The following ATP6V1A variants were observed in gnomAD, a reference collection of about 807,000 sequenced individuals.
ATP6V1A encodes the protein ATPase H+ transporting V1 subunit A.
Under a neutral mutation model 70.1 loss-of-function variants are expected in ATP6V1A, and 18 were observed. The ratio of observed to expected loss-of-function variants is 0.26; its 90% confidence interval spans 0.18 to 0.38. ATP6V1A has a LOEUF of 0.38. Among genes scored for constraint, ATP6V1A ranks in the 10% least tolerant of loss-of-function variants. ATP6V1A has a pLI of 1.00. For missense variants in ATP6V1A, 424 were observed against 772.4 expected (o/e 0.55, Z 5.35); for synonymous variants, 232 against 253.8 (o/e 0.91, Z 0.82).
At chr3:113,805,662 G>A in intron 14 of ATP6V1A, 137 bp downstream of exon 14, 1 of 839,202 alleles carries the variant, frequency 1.2e-6, no homozygotes. Flanking sequence ...TCTGCCTCCT[G>A]GGTTCAAACG....
At position 113,784,747 on chromosome 3, in the gene ATP6V1A, T is replaced by C. The variant is rs1709019455; in HGVS notation, c.478T>C (p.Ser160Pro). The C allele has an allele frequency of 1.2e-6, 2 of 1,613,962 alleles. No homozygotes were observed. The highest frequency in any genetic ancestry group is 2.7e-5 in the African/African-American group (2 of 74,910). The change falls in exon 5 of 15, where the codon TCG (serine) becomes CCG (proline). Residue 160 changes from serine (S) to proline (P), a missense_variant. Around this residue, in one of 9 missense-constraint regions of ATP6V1A, gnomAD observed 139 missense variants for 163.5 expected, o/e 0.85. Coordinates refer to ENST00000273398, the MANE Select transcript of ATP6V1A (RefSeq NM_001690.4). The part of the protein sequence containing the change: ...GDIYGIVSEN[S>P]LIKHKIMLPP... ...CATTTATGGAATTGTCAGTGAGAAC[T>C]CGCTTATCAAACACAAAATCATGTT...
At chr3:113,781,537 G>A (rs1424725716) in intron 3 of ATP6V1A, among the ~76,000 whole-genome samples, 1 of 151,906 alleles carries the variant, frequency 6.6e-6, no homozygotes, top group Non-Finnish European at 1.5e-5. Flanking sequence ...AAAAAAAATT[G>A]AGGATTTAAG....
intron 1 of ATP6V1A, among the ~76,000 whole-genome samples, chr3:113,773,610 G>T (rs1478206950): frequency 6.6e-6 from 1 of 152,134 alleles, no homozygotes; most frequent in African/African-American, 2.4e-5. Flanking sequence ...TAAAGGGAAA[G>T]TATGTAAATA....
At chr3:113,774,957 A>AG (rs1200158066) in intron 1 of ATP6V1A, among the ~76,000 whole-genome samples, 1 of 152,168 alleles carries the variant, frequency 6.6e-6, no homozygotes, top group Non-Finnish European at 1.5e-5. Context: ...CTTCTAGAAA[A>AG]GGGTAGTCTC....
intron 6 of ATP6V1A, 101 bp downstream of exon 6, chr3:113,786,484 A>G: frequency 8.5e-7 from 1 of 1,180,432 alleles, no homozygotes; most frequent in East Asian, 2.6e-5. Context: ...TTAACACTAT[A>G]ATACATTTTA....
At chr3:113,748,454 G>T (rs867320476) in intron 1 of ATP6V1A, among the ~76,000 whole-genome samples, 1 of 152,250 alleles carries the variant, frequency 6.6e-6, no homozygotes, top group Middle Eastern at 3.4e-3. Context: ...AAAATTATAT[G>T]CTCAGTTAAA....
intron 1 of ATP6V1A, among the ~76,000 whole-genome samples, chr3:113,751,661 A>G: frequency 6.6e-6 from 1 of 151,138 alleles, no homozygotes; most frequent in South Asian, 2.1e-4. Flanking sequence ...AAGTGTATTC[A>G]TTTATATTTA....
intron 1 of ATP6V1A, among the ~76,000 whole-genome samples, chr3:113,767,086 CTTTTTT>C (rs369126041): frequency 9.3e-6 from 1 of 107,844 alleles, no homozygotes; most frequent in African/African-American, 3.6e-5. Flanking sequence ...GATGTTATGT[CTTTTTT>C]TTTTTTTTTT....
rs1309205814 is a variant in ATP6V1A, at chr3:113,772,216, G to A, written c.-13-6525G>A. On this transcript the variant is annotated intron_variant, in intron 1 of 14. Transcript: ENST00000273398. ...TGCCCTGCAAGTGGTGTGAATGCAGGCAAGGCAGCACTCTGCATCTGAGGC... is the reference window on the plus strand; with the variant it reads ...TGCCCTGCAAGTGGTGTGAATGCAGACAAGGCAGCACTCTGCATCTGAGGC... Among the ~76,000 whole-genome samples the A allele has an allele frequency of 3.9e-5, 6 of 152,214 alleles. No individual in the cohort carries two copies. In the South Asian group the frequency reaches 1.2e-3, roughly 31 times the overall value.
chr3:113,785,955 A>G lies in ATP6V1A; in HGVS notation c.565-277A>G, dbSNP rs375945422. 2.1e-5 allele frequency among the ~76,000 whole-genome samples: 3 copies of G among 145,704 alleles called. No homozygotes were observed. In the East Asian group the frequency reaches 5.9e-4, roughly 29 times the overall value. On this transcript the variant is annotated intron_variant, in intron 5 of 14. Transcript: ENST00000273398. ...TGGGCTTAAGCAATCCTCCTGCCTC[A>G]GTTTTCTGAGAAGCTGGGATTACAG...
At chr3:113,760,386 C>A (rs886388938) in intron 1 of ATP6V1A, among the ~76,000 whole-genome samples, 3 of 152,144 alleles carry the variant, frequency 2.0e-5, no homozygotes, top group African/African-American at 7.2e-5. Context: ...GTTAATATAC[C>A]TGAGCACAGT....
intron 11 of ATP6V1A, among the ~76,000 whole-genome samples, chr3:113,796,677 C>G (rs1332034761): frequency 6.6e-6 from 1 of 151,904 alleles, no homozygotes; most frequent in African/African-American, 2.4e-5. Flanking sequence ...GTATATTATT[C>G]ATGTGGGAAA....
Position 113,768,331 on chromosome 3 carries a change from A to AT in ATP6V1A, c.-13-10403dup, listed in dbSNP as rs370011192. ...ATGTATATTCTTAACCTTTTGGTTTATTTTTTTAAAAAGCACTATGAAATA... is the reference window on the plus strand; with the variant it reads ...ATGTATATTCTTAACCTTTTGGTTTATTTTTTTTAAAAAGCACTATGAAATA... On this transcript the variant is annotated intron_variant, in intron 1 of 14. Coordinates refer to ENST00000273398, the MANE Select transcript of ATP6V1A (RefSeq NM_001690.4). Among the ~76,000 whole-genome samples the AT allele has an allele frequency of 2.0e-3, 297 of 152,106 alleles. 1 individual carries two copies. Among genetic ancestry groups the AT allele is most frequent in the African/African-American group, 6.8e-3 (283 of 41,510 alleles).
chr3:113,792,771 C>T (rs1047337034), intron 8 of ATP6V1A, among the ~76,000 whole-genome samples: 1 of 152,200 alleles, frequency 6.6e-6, no homozygotes, highest in African/African-American at 2.4e-5. Context: ...AACATCTTCA[C>T]CAATGCTAGT....
chr3:113,766,583 C>G (rs2108016213), intron 1 of ATP6V1A, among the ~76,000 whole-genome samples: 1 of 152,328 alleles, frequency 6.6e-6, no homozygotes, highest in African/African-American at 2.4e-5. Context: ...GCATGAGCCA[C>G]TGCATCCAGC....
chr3:113,768,130 A>AGT (rs1167509218), intron 1 of ATP6V1A, among the ~76,000 whole-genome samples: 1 of 152,072 alleles, frequency 6.6e-6, no homozygotes, highest in Non-Finnish European at 1.5e-5. Context: ...AAAATAGAAG[A>AGT]GTGTGTGTGT....
chr3:113,768,741 G>A (rs1275240238), intron 1 of ATP6V1A, among the ~76,000 whole-genome samples: 7 of 151,936 alleles, frequency 4.6e-5, no homozygotes, highest in African/African-American at 1.2e-4. Flanking sequence ...AACTACAGAC[G>A]CACGTCACCA....
chr3:113,789,115 T>G (rs923881565), intron 7 of ATP6V1A, among the ~76,000 whole-genome samples: 2 of 152,192 alleles, frequency 1.3e-5, no homozygotes, highest in Non-Finnish European at 2.9e-5. Context: ...TGACACCATC[T>G]CAGCTCACTG....
chr3:113,812,028 T>C lies in ATP6V1A; in HGVS notation c.*2601T>C, dbSNP rs1029789371. 2.0e-5 allele frequency: 3 copies of C among 152,642 alleles called. No homozygotes were observed. The highest frequency in any genetic ancestry group is 4.4e-5 in the Non-Finnish European group (3 of 68,030). 9.5% of individuals were successfully genotyped at this position (152,642 alleles called of 1,614,324 possible). A position where few individuals can be genotyped will look rare whatever the true frequency, so the allele number is the denominator to read the frequency against. On this transcript the variant is annotated 3_prime_UTR_variant, in exon 15 of 15. Coordinates refer to ENST00000273398, the MANE Select transcript of ATP6V1A (RefSeq NM_001690.4). ...AGTTGTGTATAATTGTTAAAATCTG[T>C]GAAAGAATAAAAAGTGGATTTAAAT...
Sources: allele counts gnomAD v4.1 joint callset (sites outside exome capture counted in the v4.1 genomes callset), GRCh38; gene constraint gnomAD v4.1.1; regional missense constraint gnomAD v4.1.1; transcripts MANE v1.5; gene names NCBI Gene and HGNC (gene_info 2026-07-23, HGNC 2026-07-21).